Variants in INTS7 observed in about 807,000 individuals in gnomAD.
INTS7 encodes integrator complex subunit 7, also known as chromosome 1 open reading frame 73.
A neutral mutation model predicts 109.2 loss-of-function variants in INTS7; 46 were observed. The observed-to-expected ratio is 0.42, with a 90% CI of 0.33 to 0.54. The LOEUF (loss-of-function observed/expected upper bound fraction) is 0.54. Ranked by LOEUF, INTS7 falls within the 20% of genes least tolerant of loss-of-function variation. The pLI is 0.07. For synonymous variants in INTS7, 412 were observed against 402.9 expected, an observed-to-expected ratio of 1.02 and a Z score of -0.27; for missense variants, 929 against 1,132.4, an observed-to-expected ratio of 0.82 and a Z score of 2.58.
At chr1:211,976,501 C>CTACAACTAATAATCA in intron 12 of INTS7, 81 bp downstream of exon 12, 1 of 1,263,360 alleles carries the variant, frequency 7.9e-7, no homozygotes. Flanking sequence ...TTAGTTTTGA[C>CTACAACTAATAATCA]TACAACTAAT....
chr1:211,997,279 T>A (rs888213152), intron 7 of INTS7, among the ~76,000 whole-genome samples: 24 of 151,776 alleles, frequency 1.6e-4, no homozygotes, highest in African/African-American at 5.3e-4. Context: ...GTGCAGTGGC[T>A]CATGCCTGGA....
Position 211,968,035 on chromosome 1 carries a change from C to A in INTS7, c.2011-54G>T, listed in dbSNP as rs76181576. On this transcript the variant is annotated intron_variant, in intron 14 of 19. Coordinates refer to ENST00000366994, the MANE Select transcript of INTS7 (RefSeq NM_015434.4). Reference sequence around the variant, plus strand: ...AAACATGCTATCATTATTGTATAAACAACACAAAAACCAAAACAAAAAAAA... The same window carrying A: ...AAACATGCTATCATTATTGTATAAAAAACACAAAAACCAAAACAAAAAAAA... The A allele has an allele frequency of 4.9e-4, 479 of 973,886 alleles. 3 individuals carry two copies. The East Asian group carries it at 0.012, about 24-fold the overall frequency. The allele number at this position is 973,886 out of a possible 1,614,324, so 60.3% of individuals were successfully genotyped here.
In INTS7 at chr1:211,967,977, T is replaced by G; in HGVS notation, c.2015A>C (p.Lys672Thr). 6.5e-7 allele frequency: 1 copy of G among 1,537,982 alleles called. No individual in the cohort carries two copies. The highest frequency in any genetic ancestry group is 8.9e-7 in the Non-Finnish European group (1 of 1,128,090). ...GCTTCGAAATTCTTCCATGGACTGT[T>G]TCATCTATAAAAAAAAATCAATTAT... is the stretch of plus-strand genomic sequence containing the variant. ...QRCGRISNQM[K>T]QSMEEFRSLA... Residue 672 changes from lysine to threonine, a missense_variant, in exon 15 of 20, where the codon AAA (lysine) becomes ACA (threonine). By Grantham distance (78) the Lys-to-Thr change is moderately conservative (BLOSUM62 -1). Around this residue, in one of 2 missense-constraint regions of INTS7, gnomAD observed 787 missense variants for 901.1 expected, o/e 0.87. Transcript: ENST00000366994.
intron 16 of INTS7, among the ~76,000 whole-genome samples, chr1:211,962,438 G>T (rs1663677164): frequency 6.6e-6 from 1 of 152,120 alleles, no homozygotes; most frequent in African/African-American, 2.4e-5. Flanking sequence ...AATGGTGAGA[G>T]AATTCAACAC....
At chr1:212,021,312 A>G in intron 1 of INTS7, 100 bp from the exon 2 acceptor site, 2 of 999,268 alleles carry the variant, frequency 2.0e-6, no homozygotes, top group South Asian at 3.7e-5. Flanking sequence ...TAAAGAAATA[A>G]TCATTCTTAA....
At chr1:211,969,403 C>A (rs142314395) in intron 13 of INTS7, among the ~76,000 whole-genome samples, 1 of 151,872 alleles carries the variant, frequency 6.6e-6, no homozygotes, top group African/African-American at 2.4e-5. Flanking sequence ...ATCACTGGAA[C>A]CTTGTAAAGT....
chr1:212,011,275 G>A, intron 5 of INTS7, 100 bp downstream of exon 5: 1 of 643,994 alleles, frequency 1.6e-6, no homozygotes, highest in East Asian at 2.8e-5. Flanking sequence ...AATATTATTT[G>A]AATGTATGGT....
intron 7 of INTS7, among the ~76,000 whole-genome samples, chr1:211,995,826 C>G (rs1340961637): frequency 6.6e-6 from 1 of 152,136 alleles, no homozygotes; most frequent in East Asian, 1.9e-4. Flanking sequence ...ACCCCTTCCA[C>G]CATGTGAGGG....
rs1313155174 is a variant in INTS7, at chr1:212,021,056, GGACATCGAGAATTTAAAAA to G, written c.224+8_224+26del. The G allele has an allele frequency of 7.6e-6, 12 of 1,580,140 alleles. No homozygotes were observed. The Admixed American group carries it at 2.1e-4, about 27-fold the overall frequency. On this transcript the variant is annotated splice_region_variant and intron_variant, in intron 2 of 19. Coordinates refer to ENST00000366994, the MANE Select transcript of INTS7 (RefSeq NM_015434.4). ...CAAGAAATATGAACAAAGTACTTTAGGACATCGAGAATTTAAAAAGACTTACCCAACTCTGAAAACATCA... is the reference window on the plus strand; with the variant it reads ...CAAGAAATATGAACAAAGTACTTTAGGACTTACCCAACTCTGAAAACATCA...
chr1:211,969,556 T>C (rs1301187087), intron 13 of INTS7, among the ~76,000 whole-genome samples: 8 of 136,676 alleles, frequency 5.9e-5, no homozygotes, highest in Admixed American at 1.4e-4. Context: ...CTTTTCTTTT[T>C]TTTTTTTTTT....
intron 1 of INTS7, chr1:212,025,779 G>C (rs1666890576): frequency 6.6e-6 from 1 of 151,994 alleles, no homozygotes; most frequent in South Asian, 2.1e-4. Flanking sequence ...TATTTTACCA[G>C]TCACAAAATG....
At position 211,988,781 on chromosome 1, in the gene INTS7, T is replaced by A. The variant is rs986212021; in HGVS notation, c.880-778A>T. On this transcript the variant is annotated intron_variant, in intron 7 of 19. Transcript: ENST00000366994. ...TATTATTTCATATATGTGTAATTTT[T>A]AAAAATAACAGGGAATATGGAATTC... 3.1e-4 allele frequency among the ~76,000 whole-genome samples: 47 copies of A among 152,206 alleles called. 1 individual carries two copies. The highest frequency in any genetic ancestry group is 2.9e-3 in the Admixed American group (44 of 15,282).
chr1:212,010,291 A>C (rs1666111582), intron 5 of INTS7, among the ~76,000 whole-genome samples: 1 of 152,200 alleles, frequency 6.6e-6, no homozygotes, highest in Admixed American at 6.5e-5. Context: ...TAGGATAAAT[A>C]GGGGTATGAC....
intron 7 of INTS7, among the ~76,000 whole-genome samples, chr1:212,003,427 C>CT (rs1179921107): frequency 6.6e-6 from 1 of 151,530 alleles, no homozygotes; most frequent in East Asian, 1.9e-4. Flanking sequence ...AAGAAAGCAT[C>CT]TTTCAAGATT....
At chr1:212,026,935 T>C (rs981601687) in intron 1 of INTS7, among the ~76,000 whole-genome samples, 7 of 152,248 alleles carry the variant, frequency 4.6e-5, no homozygotes, top group Non-Finnish European at 7.3e-5. Context: ...TGTTTAAACA[T>C]GCTGATTTAA....
chr1:211,979,353 G>A (rs1391465364), intron 10 of INTS7, among the ~76,000 whole-genome samples: 2 of 152,152 alleles, frequency 1.3e-5, no homozygotes, highest in Non-Finnish European at 2.9e-5. Flanking sequence ...ATAAATGCAA[G>A]GGCTGAAGCT....
At chr1:211,968,739 A>C in intron 13 of INTS7, 32 bp from the exon 14 acceptor site, 1 of 1,555,530 alleles carries the variant, frequency 6.4e-7, no homozygotes, top group Non-Finnish European at 8.8e-7. Flanking sequence ...GATATTTAAG[A>C]CAAAGTAAAC....
Position 211,942,159 on chromosome 1 carries a change from A to C in INTS7, c.2602-48T>G, listed in dbSNP as rs1331174421. 4 of 1,584,996 alleles carry C rather than the reference A, an allele frequency of 2.5e-6. No homozygotes were observed. The highest frequency in any genetic ancestry group is 3.4e-6 in the Non-Finnish European group (4 of 1,162,322). ...TAACAACAATGGCTAACATTTCTTC[A>C]GTGCTTACTATGAGTTAGGCCCTGT... On this transcript the variant is annotated intron_variant, in intron 19 of 19. Transcript: ENST00000366994. The surrounding 1 kb of genome is among the most constrained non-coding windows in gnomAD (Gnocchi z 4.2).
At chr1:211,999,205 C>T (rs917796597) in intron 7 of INTS7, among the ~76,000 whole-genome samples, 1 of 152,116 alleles carries the variant, frequency 6.6e-6, no homozygotes, top group Non-Finnish European at 1.5e-5. Context: ...GCCAAAAACC[C>T]AGAAACAATC....
Sources: gnomAD v4.1 joint callset for allele counts (sites outside exome capture counted in the v4.1 genomes callset) on GRCh38, gnomAD v4.1.1 for gene constraint, gnomAD v4.1.1 regional missense constraint, Gnocchi (gnomAD v3.1) non-coding constraint, MANE v1.5 for transcripts, NCBI Gene and HGNC (gene_info 2026-07-23, HGNC 2026-07-21) for gene names.